The following TXLNB variants were observed in gnomAD, a reference collection of about 807,000 sequenced individuals.
TXLNB encodes taxilin beta.
In TXLNB, 37 loss-of-function variants were observed where a neutral mutation model predicts 57.4. The observed-to-expected ratio is 0.64, with a 90% CI of 0.50 to 0.85. The LOEUF (loss-of-function observed/expected upper bound fraction) is 0.85, where lower values mean the gene tolerates loss of function less well. Ranked by LOEUF, TXLNB falls within the 40% of genes least tolerant of loss-of-function variation. The probability of loss-of-function intolerance (pLI) is 0.00; values close to 1 mark genes in which losing one functional copy is unlikely to be tolerated. For missense variants in TXLNB, 848 were observed against 825.6 expected, an observed-to-expected ratio of 1.03 and a Z score of -0.33; for synonymous variants, 302 against 309.6, an observed-to-expected ratio of 0.98 and a Z score of 0.26.
the TXLNB span, among the ~76,000 whole-genome samples, chr6:139,312,653 A>T: frequency 3.3e-4 from 49 of 146,918 alleles, no homozygotes; most frequent in African/African-American, 1.2e-3. Flanking sequence ...GTTGTAGGAG[A>T]CTTGAATATG....
chr6:139,201,483 T>C, the TXLNB span, among the ~76,000 whole-genome samples: 1 of 152,198 alleles, frequency 6.6e-6, no homozygotes, highest in Non-Finnish European at 1.5e-5. Context: ...TTGTATTATG[T>C]TGTTTTTTTT....
chr6:139,227,357 C>CA, the TXLNB span, among the ~76,000 whole-genome samples: 2,009 of 131,422 alleles, frequency 0.015, 26 homozygotes, highest in African/African-American at 0.041. Flanking sequence ...ACAAAACAAA[C>CA]AAAAAAAAAA....
chr6:139,168,661 T>A, the TXLNB span, among the ~76,000 whole-genome samples: 2 of 152,142 alleles, frequency 1.3e-5, no homozygotes, highest in Non-Finnish European at 2.9e-5. Context: ...GTCCTATTTT[T>A]AAAAATCTTG....
At chr6:139,225,687 G>A in the TXLNB span, among the ~76,000 whole-genome samples, 1 of 151,894 alleles carries the variant, frequency 6.6e-6, no homozygotes, top group Non-Finnish European at 1.5e-5. Context: ...TAAATAAATT[G>A]AGATATTTAC....
At chr6:139,227,887 T>C in the TXLNB span, among the ~76,000 whole-genome samples, 1 of 151,972 alleles carries the variant, frequency 6.6e-6, no homozygotes, top group Non-Finnish European at 1.5e-5. Context: ...GCAAAACAAA[T>C]GTGCTTTTCT....
chr6:139,161,331 G>A, the TXLNB span, among the ~76,000 whole-genome samples: 2 of 152,080 alleles, frequency 1.3e-5, no homozygotes, highest in African/African-American at 4.8e-5. Context: ...CTACCCACAA[G>A]GCCACATCAA....
chr6:139,225,385 G>C, the TXLNB span, among the ~76,000 whole-genome samples: 1 of 152,204 alleles, frequency 6.6e-6, no homozygotes, highest in African/African-American at 2.4e-5. Context: ...AGAAAAAAAT[G>C]CCATTATTTC....
intron 7 of TXLNB, among the ~76,000 whole-genome samples, chr6:139,248,721 G>A (rs1474375006): frequency 6.6e-6 from 1 of 152,184 alleles, no homozygotes; most frequent in Non-Finnish European, 1.5e-5. Flanking sequence ...GACAGTGGGT[G>A]ATCGGAGAAG....
chr6:139,179,309 A>G, the TXLNB span: 3 of 152,232 alleles, frequency 2.0e-5, no homozygotes, highest in African/African-American at 7.2e-5. Flanking sequence ...CTAAAATTTT[A>G]TAGTGAAACC....
Position 139,284,799 on chromosome 6 carries a change from C to T in TXLNB, c.424+3677G>A, listed in dbSNP as rs1028248835. Among the ~76,000 whole-genome samples, 9 of 145,900 alleles carry T rather than the reference C, an allele frequency of 6.2e-5. 1 individual carries two copies. Among genetic ancestry groups the T allele is most frequent in the East Asian group, 4.0e-4 (2 of 5,048 alleles). On this transcript the variant is annotated intron_variant, in intron 2 of 9. Transcript: ENST00000358430. ...TAAGTTGGAAAACCATTAGTCTAGA[C>T]GATAGCACAGTACCATTTAACTGAA... is the stretch of plus-strand genomic sequence containing the variant.
At chr6:139,193,217 C>T in the TXLNB span, among the ~76,000 whole-genome samples, 1 of 150,702 alleles carries the variant, frequency 6.6e-6, no homozygotes, top group African/African-American at 2.4e-5. Context: ...CAATGGAATA[C>T]CCCAGTGCCC....
At chr6:139,257,773 A>T (rs901128106) in intron 6 of TXLNB, among the ~76,000 whole-genome samples, 4 of 152,236 alleles carry the variant, frequency 2.6e-5, no homozygotes, top group African/African-American at 9.6e-5. Flanking sequence ...AACCAAAAAA[A>T]CTAACAATAA....
chr6:139,269,939 A>G (rs1776714271), intron 4 of TXLNB, among the ~76,000 whole-genome samples: 1 of 152,238 alleles, frequency 6.6e-6, no homozygotes, highest in Non-Finnish European at 1.5e-5. Context: ...GAAGAGCTTC[A>G]GTGCTTTTTC....
the TXLNB span, among the ~76,000 whole-genome samples, chr6:139,193,949 C>T: frequency 6.7e-6 from 1 of 149,270 alleles, no homozygotes; most frequent in African/African-American, 2.5e-5. Flanking sequence ...TCACGCCATT[C>T]TCCTGCCTCA....
At chr6:139,297,748 T>A in the TXLNB span, among the ~76,000 whole-genome samples, 1 of 152,258 alleles carries the variant, frequency 6.6e-6, no homozygotes, top group African/African-American at 2.4e-5. Flanking sequence ...CCAATAATTA[T>A]GTGTTTAAAT....
intron 3 of TXLNB, chr6:139,271,465 C>G (rs1776762036): frequency 6.6e-6 from 1 of 152,100 alleles, no homozygotes; most frequent in Admixed American, 6.5e-5. Context: ...ATCTTGGATG[C>G]TGAAGTTCTA....
At chr6:139,232,297 C>A in the TXLNB span, among the ~76,000 whole-genome samples, 1 of 152,182 alleles carries the variant, frequency 6.6e-6, no homozygotes, top group Non-Finnish European at 1.5e-5. Context: ...ATCATGAGAA[C>A]AGCATGGGAA....
chr6:139,321,633 CTTTT>C, the TXLNB span, among the ~76,000 whole-genome samples: 1 of 84,362 alleles, frequency 1.2e-5, no homozygotes, highest in African/African-American at 6.6e-5. Context: ...ACTACTCTCT[CTTTT>C]TTTTTTTTTT....
chr6:139,160,646 C>T, the TXLNB span, among the ~76,000 whole-genome samples: 2 of 152,256 alleles, frequency 1.3e-5, no homozygotes, highest in South Asian at 2.1e-4. Context: ...AACTCCTGGC[C>T]GCAAGTGATT....
Sources: allele counts gnomAD v4.1 joint callset (sites outside exome capture counted in the v4.1 genomes callset), GRCh38; gene constraint gnomAD v4.1.1; transcripts MANE v1.5; gene names NCBI Gene and HGNC (gene_info 2026-07-23, HGNC 2026-07-21).